The following GIP variants were observed in gnomAD, a reference collection of about 807,000 sequenced individuals.
The protein encoded by GIP is gastric inhibitory polypeptide.
In GIP, 16 loss-of-function variants were observed where a neutral mutation model predicts 18.1. The observed-to-expected ratio is 0.88, with a 90% CI of 0.60 to 1.34. The LOEUF is 1.34. Ranked by LOEUF, GIP falls within the 40% of genes most tolerant of loss-of-function variation. The probability of loss-of-function intolerance (pLI) is 0.00; values close to 1 mark genes in which losing one functional copy is unlikely to be tolerated. For missense variants in GIP, 192 were observed against 183.4 expected (o/e 1.05, Z -0.27); for synonymous variants, 76 against 74.0 (o/e 1.03, Z -0.14).
At chr17:48,967,690 A>C (rs1254457175) in intron 1 of GIP, among the ~76,000 whole-genome samples, 1 of 151,570 alleles carries the variant, frequency 6.6e-6, no homozygotes, top group Non-Finnish European at 1.5e-5. Context: ...CTGGGGCAAC[A>C]CCATGGGGGA....
At chr17:48,967,950 G>C (rs2041243830) in intron 1 of GIP, among the ~76,000 whole-genome samples, 2 of 151,888 alleles carry the variant, frequency 1.3e-5, no homozygotes, top group Non-Finnish European at 1.5e-5. Context: ...TATTCAGGAG[G>C]CTGAGGCATG....
In GIP at chr17:48,961,005, C is replaced by G; in HGVS notation, c.351-18G>C. 6.4e-7 allele frequency: 1 copy of G among 1,568,838 alleles called. No homozygotes were observed. The highest frequency in any genetic ancestry group is 8.7e-7 in the Non-Finnish European group (1 of 1,148,422). On this transcript the variant is annotated intron_variant, in intron 4 of 5. Coordinates refer to ENST00000357424, the MANE Select transcript of GIP (RefSeq NM_004123.3). ...CTGGGGAGCTGCAAGGGAACAGTCT[C>G]TGGCTAACTATTTTAGCCTGAGCTT...
intron 3 of GIP, among the ~76,000 whole-genome samples, chr17:48,962,288 G>A (rs534754081): frequency 6.6e-5 from 10 of 151,680 alleles, no homozygotes; most frequent in Non-Finnish European, 1.2e-4. Flanking sequence ...GAATGAACTC[G>A]TGAGCTCAAA....
intron 4 of GIP, 27 bp downstream of exon 4, chr17:48,961,700 C>G (rs764879295): frequency 2.5e-5 from 37 of 1,480,328 alleles, no homozygotes; most frequent in Non-Finnish European, 2.7e-5. Flanking sequence ...GCTTGGCTCC[C>G]TCCCTTCCCT....
chr17:48,958,825 C>G, intron 5 of GIP, 109 bp from the exon 6 acceptor site: 1 of 676,946 alleles, frequency 1.5e-6, no homozygotes, highest in South Asian at 1.9e-5. Context: ...TTCAAATCAC[C>G]TTTTTAAATA....
At chr17:48,964,200 C>T (rs1469090203) in intron 3 of GIP, 110 bp downstream of exon 3, 3 of 688,472 alleles carry the variant, frequency 4.4e-6, no homozygotes, top group Non-Finnish European at 5.0e-6. Context: ...AAAGGTGCCA[C>T]CTGGGGTTGT....
At chr17:48,960,736 T>A in intron 5 of GIP, 150 bp downstream of exon 5, 1 of 631,112 alleles carries the variant, frequency 1.6e-6, no homozygotes, top group Non-Finnish European at 2.9e-6. Context: ...AACAATCCTG[T>A]GAAATGATTC....
Position 48,961,751 on chromosome 17 carries a change from T to G in GIP, c.326A>C (p.Glu109Ala). The stretch of plus-strand genomic sequence containing the variant: ...CCTCTGTGGCTCCACTGCCTCCTCC[T>G]CCTTCCTATTAGCTTGACTGGCCAG... ...LELASQANRK[E>A]EEAVEPQSSP... Residue 109 changes from glutamate to alanine, a missense_variant, in exon 4 of 6, where the codon GAG becomes GCG. Physicochemically the swap from Glu to Ala is moderately radical, Grantham distance 107. Transcript: ENST00000357424. 2 of 1,611,954 alleles carry G rather than the reference T, an allele frequency of 1.2e-6. No homozygotes were observed. The highest frequency in any genetic ancestry group is 1.7e-6 in the Non-Finnish European group (2 of 1,179,104).
chr17:48,967,262 GA>G lies in GIP; in HGVS notation c.-21-10del. On this transcript the variant is annotated splice_polypyrimidine_tract_variant and intron_variant, in intron 1 of 5. Coordinates refer to ENST00000357424, the MANE Select transcript of GIP (RefSeq NM_004123.3). Reference sequence around the variant, plus strand: ...CAAGGTTATTTCCTGAGCTAAGACAGAAAAAAGCCAGGACATGTTGAGAGAG... The same window carrying G: ...CAAGGTTATTTCCTGAGCTAAGACAGAAAAAGCCAGGACATGTTGAGAGAG... 2 of 1,592,860 alleles carry G rather than the reference GA, an allele frequency of 1.3e-6. No individual in the cohort carries two copies. Among genetic ancestry groups the G allele is most frequent in the Non-Finnish European group, 8.6e-7 (1 of 1,161,336 alleles).
Position 48,964,488 on chromosome 17 carries a change from C to T in GIP, c.87-8G>A, listed in dbSNP as rs1438568802. ...GGCAGGGAGGGGAGAGCGCTGGAAA[C>T]AAGGGTGCGGAGAAGGGGCAGAGAT... On this transcript the variant is annotated splice_polypyrimidine_tract_variant and splice_region_variant and intron_variant, in intron 2 of 5. Coordinates refer to ENST00000357424, the MANE Select transcript of GIP (RefSeq NM_004123.3). 1.2e-6 allele frequency: 2 copies of T among 1,613,136 alleles called. No individual in the cohort carries two copies. Among genetic ancestry groups the T allele is most frequent in the Non-Finnish European group, 1.7e-6 (2 of 1,179,400 alleles).
rs2041196225 is a variant in GIP at position 48,960,780 on chromosome 17, C to CA, written c.452+105dup. The CA allele has an allele frequency of 5.5e-6, 4 of 731,910 alleles. No homozygotes were observed. The Admixed American group carries it at 6.2e-5, about 11-fold the overall frequency. The allele number at this position is 731,910 out of a possible 1,614,324, so 45.3% of individuals were successfully genotyped here. A position where few individuals can be genotyped will look rare whatever the true frequency, so the allele number is the denominator to read the frequency against. ...TGATTTTAGTGAAAACACTGAGGTT[C>CA]AGAAAGGCTATGTAATCAGCCAGCA... On this transcript the variant is annotated intron_variant, in intron 5 of 5. Transcript: ENST00000357424.
At chr17:48,967,745 T>G (rs1016138840) in intron 1 of GIP, among the ~76,000 whole-genome samples, 12 of 151,512 alleles carry the variant, frequency 7.9e-5, no homozygotes, top group African/African-American at 1.7e-4. Flanking sequence ...AGAAGGGACA[T>G]GGAATCTTAC....
rs8077274 is a variant in GIP, at chr17:48,964,496, C to A, written c.87-16G>T. On this transcript the variant is annotated splice_polypyrimidine_tract_variant and intron_variant, in intron 2 of 5. Transcript: ENST00000357424. ...GGGGAGAGCGCTGGAAACAAGGGTGCGGAGAAGGGGCAGAGATGGGGGGAG... is the reference window on the plus strand; with the variant it reads ...GGGGAGAGCGCTGGAAACAAGGGTGAGGAGAAGGGGCAGAGATGGGGGGAG... 12 of 1,609,738 alleles carry A rather than the reference C, an allele frequency of 7.5e-6. No individual in the cohort carries two copies. The highest frequency in any genetic ancestry group is 1.3e-5 in the African/African-American group (1 of 74,812).
intron 2 of GIP, among the ~76,000 whole-genome samples, chr17:48,966,490 G>A (rs1308900139): frequency 6.6e-6 from 1 of 151,720 alleles, no homozygotes; most frequent in Non-Finnish European, 1.5e-5. Flanking sequence ...CCAGGAGGCA[G>A]AGGTTGTAGT....
intron 5 of GIP, among the ~76,000 whole-genome samples, chr17:48,960,412 C>A (rs7214070): frequency 0.12 from 595 of 4,904 alleles, 179 homozygotes; most frequent in East Asian, 0.28. Flanking sequence ...GACAGGCAGG[C>A]CACAGGATGG....
chr17:48,961,700 C>T lies in GIP; in HGVS notation c.350+27G>A, dbSNP rs764879295. ...GGGGCGGGGCAGGAGGCTTGGCTCC[C>T]TCCCTTCCCTCTGCGCCCTGACTCA... On this transcript the variant is annotated intron_variant, in intron 4 of 5. Coordinates refer to ENST00000357424, the MANE Select transcript of GIP (RefSeq NM_004123.3). 4.1e-6 allele frequency: 6 copies of T among 1,480,452 alleles called. No homozygotes were observed. The African/African-American group carries it at 6.9e-5, about 17-fold the overall frequency. 91.7% of individuals were successfully genotyped at this position (1,480,452 alleles called of 1,614,324 possible). A position where few individuals can be genotyped will look rare whatever the true frequency, so the allele number is the denominator to read the frequency against.
chr17:48,959,540 G>C (rs1320528826), intron 5 of GIP, among the ~76,000 whole-genome samples: 1 of 152,094 alleles, frequency 6.6e-6, no homozygotes, highest in Non-Finnish European at 1.5e-5. Flanking sequence ...AGGTGGACAG[G>C]TGTCTTCATA....
intron 2 of GIP, among the ~76,000 whole-genome samples, chr17:48,964,741 A>G (rs1337745576): frequency 6.6e-6 from 1 of 152,144 alleles, no homozygotes; most frequent in Non-Finnish European, 1.5e-5. Context: ...CATGCCTGTA[A>G]TCCCAACACT....
At chr17:48,966,949 C>G (rs938839651) in intron 2 of GIP, among the ~76,000 whole-genome samples, 198 bp downstream of exon 2, 9 of 152,224 alleles carry the variant, frequency 5.9e-5, no homozygotes, top group African/African-American at 2.2e-4. Context: ...GTCTCTCCCA[C>G]TGTAACAGCA....
Sources: allele counts gnomAD v4.1 joint callset (sites outside exome capture counted in the v4.1 genomes callset), GRCh38; gene constraint gnomAD v4.1.1; transcripts MANE v1.5; gene names NCBI Gene and HGNC (gene_info 2026-07-23, HGNC 2026-07-21).